SHOC2: variants seen among roughly 807,000 people sequenced by gnomAD.
SHOC2 encodes SHOC2 leucine rich repeat scaffold protein.
In SHOC2, 4 loss-of-function variants were observed where a neutral mutation model predicts 50.2. The ratio of observed to expected loss-of-function variants is 0.08; its 90% CI spans 0.04 to 0.18. SHOC2 has a LOEUF of 0.18. Among genes scored for constraint, SHOC2 ranks in the 10% least tolerant of loss-of-function variants. SHOC2 has a pLI of 1.00. For synonymous variants in SHOC2, 218 were observed against 244.5 expected, an observed-to-expected ratio of 0.89 and a Z score of 1.01; for missense variants, 388 against 669.6, an observed-to-expected ratio of 0.58 and a Z score of 4.64.
intron 2 of SHOC2, among the ~76,000 whole-genome samples, chr10:110,976,852 T>G (rs551135248): frequency 2.6e-3 from 399 of 152,306 alleles, no homozygotes; most frequent in African/African-American, 9.1e-3. Flanking sequence ...TTCCCTTACT[T>G]GGTCATTTTT....
At chr10:110,928,805 G>A (rs1237386125) in intron 1 of SHOC2, among the ~76,000 whole-genome samples, 1 of 152,078 alleles carries the variant, frequency 6.6e-6, no homozygotes, top group East Asian at 1.9e-4. Flanking sequence ...TGAGGTGGGA[G>A]GATGGCTGGA....
At chr10:110,940,230 G>A (rs553124746) in intron 1 of SHOC2, among the ~76,000 whole-genome samples, 65 of 152,136 alleles carry the variant, frequency 4.3e-4, no homozygotes, top group Non-Finnish European at 5.1e-4. Context: ...ATACTAGAAA[G>A]CAATGCTGCC....
At chr10:110,980,255 C>T (rs767360209) in intron 2 of SHOC2, among the ~76,000 whole-genome samples, 6 of 151,092 alleles carry the variant, frequency 4.0e-5, no homozygotes, top group Non-Finnish European at 8.8e-5. Context: ...CTCCCGGGTT[C>T]ATGCCATTCT....
At chr10:110,920,811 G>C (rs1005360348) in intron 1 of SHOC2, among the ~76,000 whole-genome samples, 12 of 152,220 alleles carry the variant, frequency 7.9e-5, no homozygotes, top group Non-Finnish European at 7.3e-5. Flanking sequence ...GGTTGCAGAT[G>C]TGGACTGTAT....
At chr10:110,967,075 A>G (rs1173275591) in intron 2 of SHOC2, among the ~76,000 whole-genome samples, 2 of 152,152 alleles carry the variant, frequency 1.3e-5, no homozygotes, top group South Asian at 2.1e-4. Context: ...AATAATAAGG[A>G]TGGCTGTTGT....
At position 111,009,265 on chromosome 10, in the gene SHOC2, C is replaced by T. The variant is rs146147503; in HGVS notation, c.1302C>T (p.Asn434=). Residue 434 remains asparagine (N), a synonymous_variant, in exon 7 of 9, where the codon AAC becomes AAT. Coordinates refer to ENST00000369452, the MANE Select transcript of SHOC2 (RefSeq NM_007373.4). The part of the protein sequence containing the change: ...LVSLEVLILS[N]NLLKKLPHGL... ...CTCATTAGGTTCTTATCTTATCAAA[C>T]AATCTTCTAAAGAAGCTTCCCCATG... The T allele has an allele frequency of 4.7e-4, 734 of 1,573,274 alleles. 4 individuals carry two copies. In the African/African-American group the frequency reaches 8.5e-3, roughly 18 times the overall value.
intron 2 of SHOC2, among the ~76,000 whole-genome samples, chr10:110,980,814 C>T (rs1847962656): frequency 1.3e-5 from 2 of 152,018 alleles, no homozygotes; most frequent in Admixed American, 6.6e-5. Context: ...CCCCAACTTC[C>T]CCCAACAGTC....
intron 5 of SHOC2, 96 bp downstream of exon 5, chr10:111,004,890 TG>T: frequency 1.2e-6 from 1 of 817,914 alleles, no homozygotes; most frequent in Non-Finnish European, 2.0e-6. Context: ...AGTGGGTACT[TG>T]TACCTTGCTG....
intron 1 of SHOC2, among the ~76,000 whole-genome samples, chr10:110,945,936 C>G (rs1172830229): frequency 6.6e-6 from 1 of 152,130 alleles, no homozygotes; most frequent in African/African-American, 2.4e-5. Flanking sequence ...TATGAGCATA[C>G]CCACCCTATC....
At chr10:111,009,055 A>C (rs1848520479) in intron 6 of SHOC2, among the ~76,000 whole-genome samples, 193 bp from the exon 7 acceptor site, 1 of 152,158 alleles carries the variant, frequency 6.6e-6, no homozygotes, top group Non-Finnish European at 1.5e-5. Context: ...AATCAAATAA[A>C]ATCTCTTTTC....
intron 2 of SHOC2, among the ~76,000 whole-genome samples, chr10:110,973,147 T>G (rs185977521): frequency 6.4e-4 from 98 of 152,344 alleles, no homozygotes; most frequent in Non-Finnish European, 1.2e-3. Context: ...CTGTTCAAAC[T>G]TGTGGGACAA....
intron 1 of SHOC2, among the ~76,000 whole-genome samples, chr10:110,932,728 A>C (rs34893229): frequency 0.11 from 16,398 of 152,122 alleles, 975 homozygotes; most frequent in Middle Eastern, 0.16. Context: ...CTTCAACAGC[A>C]CTTACTCGAC....
At chr10:110,921,809 T>A (rs115312633) in intron 1 of SHOC2, among the ~76,000 whole-genome samples, 3,254 of 152,172 alleles carry the variant, frequency 0.021, 124 homozygotes, top group African/African-American at 0.075. Flanking sequence ...ATCCCCACAT[T>A]CCCCCTTCAG....
In SHOC2 at chr10:110,964,713, A is replaced by G. The variant is rs147068827; in HGVS notation, c.355A>G (p.Ile119Val). ...ATCTATACACATATTGCCATCATCA[A>G]TCAAAGAGTTGACTCAATTAACAGA... ...KRSIHILPSS[I>V]KELTQLTELY... is the part of the protein sequence containing the mutation. The change falls in exon 2 of 9, where the codon ATC (isoleucine) becomes GTC (valine). Residue 119 changes from isoleucine (I) to valine (V), a missense_variant. By Grantham distance (29) the Ile-to-Val change is conservative. Around this residue, in one of 5 missense-constraint regions of SHOC2, gnomAD observed 121 missense variants for 145.5 expected, o/e 0.83. Coordinates refer to ENST00000369452, the MANE Select transcript of SHOC2 (RefSeq NM_007373.4). The surrounding 1 kb of genome is among the most constrained non-coding windows in gnomAD (Gnocchi z 4.9). 218 of 1,614,038 alleles carry G rather than the reference A, an allele frequency of 1.4e-4. No individual in the cohort carries two copies. Among genetic ancestry groups the G allele is most frequent in the Non-Finnish European group, 1.7e-4 (201 of 1,180,000 alleles).
At chr10:110,943,736 T>G (rs1030823801) in intron 1 of SHOC2, among the ~76,000 whole-genome samples, 1 of 152,216 alleles carries the variant, frequency 6.6e-6, no homozygotes, top group African/African-American at 2.4e-5. Context: ...AAATATTAAG[T>G]GAGTAACTTG....
intron 3 of SHOC2, among the ~76,000 whole-genome samples, chr10:110,992,729 C>T (rs192153963): frequency 1.3e-5 from 2 of 152,176 alleles, no homozygotes; most frequent in Non-Finnish European, 2.9e-5. Context: ...TACAGTGCAG[C>T]GTATGTATAA....
intron 1 of SHOC2, among the ~76,000 whole-genome samples, chr10:110,938,191 C>T (rs1413349758): frequency 1.3e-5 from 2 of 152,110 alleles, no homozygotes; most frequent in Non-Finnish European, 2.9e-5. Context: ...GTGGGCAAGC[C>T]TTCTTCTGTT....
chr10:110,945,137 C>G (rs901050884), intron 1 of SHOC2, among the ~76,000 whole-genome samples: 1 of 152,184 alleles, frequency 6.6e-6, no homozygotes, highest in Non-Finnish European at 1.5e-5. Flanking sequence ...TTCACTGCCT[C>G]AAGTAGATAT....
At chr10:110,960,996 T>C (rs1321394489) in intron 1 of SHOC2, among the ~76,000 whole-genome samples, 1 of 152,054 alleles carries the variant, frequency 6.6e-6, no homozygotes, top group Non-Finnish European at 1.5e-5. Flanking sequence ...GTGTTTTTGT[T>C]TGGGGTCACT....
Sources: allele counts gnomAD v4.1 joint callset (sites outside exome capture counted in the v4.1 genomes callset), GRCh38; gene constraint gnomAD v4.1.1; regional missense constraint gnomAD v4.1.1; non-coding constraint Gnocchi (gnomAD v3.1); transcripts MANE v1.5; gene names NCBI Gene and HGNC (gene_info 2026-07-23, HGNC 2026-07-21).